ZBED6: variants seen among roughly 807,000 people sequenced by gnomAD.
ZBED6 encodes the protein zinc finger BED-type containing 6, also known as zinc finger BED domain-containing protein 6.
A neutral mutation model predicts 58.4 loss-of-function variants in ZBED6; 40 were observed. The observed-to-expected ratio is 0.68, with a 90% CI of 0.53 to 0.89. The LOEUF is 0.89. Ranked by LOEUF, ZBED6 falls within the 40% of genes least tolerant of loss-of-function variation. ZBED6 has a pLI of 0.00. For synonymous variants in ZBED6, 439 were observed against 350.6 expected (o/e 1.25, Z -2.82); for missense variants, 1,057 against 1,003.9 (o/e 1.05, Z -0.71).
chr1:203,814,745 G>T (rs915490598), intron 1 of ZBED6, among the ~76,000 whole-genome samples: 6 of 151,980 alleles, frequency 3.9e-5, no homozygotes, highest in Admixed American at 3.9e-4. Flanking sequence ...TTTGTTTTTG[G>T]TTTTTTACAG....
chr1:203,803,333 A>C (rs923810699), intron 1 of ZBED6, among the ~76,000 whole-genome samples: 1 of 152,074 alleles, frequency 6.6e-6, no homozygotes, highest in African/African-American at 2.4e-5. Flanking sequence ...CTGGGATTAC[A>C]GATGTGCACC....
exon 1 of ZBED6, chr1:203,798,635 T>A (rs762568030): frequency 6.5e-7 from 1 of 1,536,142 alleles, no homozygotes; most frequent in South Asian, 1.2e-5. Flanking sequence ...CAGATGAACC[T>A]ATGTTAGAGG....
At chr1:203,846,394 C>G (rs913544400) in intron 11 of ZBED6, among the ~76,000 whole-genome samples, 1 of 152,086 alleles carries the variant, frequency 6.6e-6, no homozygotes, top group Middle Eastern at 3.2e-3. Flanking sequence ...AATTTCTGGG[C>G]CTTCTGCATT....
chr1:203,801,173 C>T (rs571441912), exon 1 of ZBED6: 3 of 152,014 alleles, frequency 2.0e-5, no homozygotes, highest in Non-Finnish European at 2.9e-5. Context: ...TAAAAACAGA[C>T]TAAAATGTTT....
intron 9 of ZBED6, among the ~76,000 whole-genome samples, chr1:203,835,417 GA>G (rs1460408630): frequency 6.6e-6 from 1 of 152,062 alleles, no homozygotes; most frequent in Admixed American, 6.5e-5. Flanking sequence ...AGTCATTTAC[GA>G]AAAAAGCTTA....
At chr1:203,801,577 T>G (rs1032640277) in exon 1 of ZBED6, 1 of 152,612 alleles carries the variant, frequency 6.6e-6, no homozygotes, top group Non-Finnish European at 1.5e-5. Flanking sequence ...CATTTTAGAT[T>G]TGGGGATATT....
chr1:203,797,581 A>C, exon 1 of ZBED6: 1 of 1,533,352 alleles, frequency 6.5e-7, no homozygotes. Context: ...AGAAGATGCA[A>C]CACTTTTAGT....
chr1:203,833,706 T>A (rs1031447929), intron 8 of ZBED6, 85 bp from the exon 9 acceptor site: 48 of 1,065,722 alleles, frequency 4.5e-5, no homozygotes, highest in Non-Finnish European at 3.8e-6. Flanking sequence ...TACACTAATA[T>A]CAGAACATAC....
chr1:203,819,206 A>G (rs1677509828), intron 3 of ZBED6, among the ~76,000 whole-genome samples: 1 of 144,186 alleles, frequency 6.9e-6, no homozygotes, highest in South Asian at 2.2e-4. Flanking sequence ...CCTCTATGCA[A>G]TTTTTTTTTC....
intron 10 of ZBED6, among the ~76,000 whole-genome samples, chr1:203,839,551 G>GA (rs1333287928): frequency 6.6e-6 from 1 of 152,154 alleles, no homozygotes; most frequent in Non-Finnish European, 1.5e-5. Flanking sequence ...TTGATGAGTA[G>GA]ACGTTCCTGT....
At chr1:203,849,314 T>C (rs1227875445) in intron 13 of ZBED6, among the ~76,000 whole-genome samples, 1 of 152,258 alleles carries the variant, frequency 6.6e-6, no homozygotes, top group Non-Finnish European at 1.5e-5. Context: ...ATGTTAATAA[T>C]TCTTCAAGAA....
Position 203,847,797 on chromosome 1 carries a change from C to T in ZBED6, c.*4245+110C>T, listed in dbSNP as rs1202447444. 6 of 1,448,530 alleles carry T rather than the reference C, an allele frequency of 4.1e-6. No homozygotes were observed. In the African/African-American group the frequency reaches 4.3e-5, roughly 10 times the overall value. 89.7% of individuals were successfully genotyped at this position (1,448,530 alleles called of 1,614,324 possible). A position where few individuals can be genotyped will look rare whatever the true frequency, so the allele number is the denominator to read the frequency against. On this transcript the variant is annotated intron_variant, in intron 12 of 16. Coordinates refer to ENST00000550078, the Ensembl canonical transcript of ZBED6. ...TGACAACCTTTCTTTACTCAGATAA[C>T]GTTGAAAACACTGAATTAAATGAAG... is the stretch of plus-strand genomic sequence containing the variant.
In ZBED6 at chr1:203,798,667, C is replaced by G. The variant is rs1669492752; in HGVS notation, c.1145C>G (p.Pro382Arg). 2.6e-6 allele frequency: 4 copies of G among 1,536,016 alleles called. No homozygotes were observed. In the African/African-American group the frequency reaches 4.1e-5, roughly 16 times the overall value. Residue 382 changes from proline to arginine, a missense_variant, in exon 1 of 17, where the codon CCT becomes CGT. Pro to Arg is a moderately radical substitution (Grantham distance 103). Coordinates refer to ENST00000550078, the Ensembl canonical transcript of ZBED6. ...GAGGTTGAAAACAGATCTGAAAGTCCTATTCCCGTTGCAGAGCAAGGCACT... is the reference window on the plus strand; with the variant it reads ...GAGGTTGAAAACAGATCTGAAAGTCGTATTCCCGTTGCAGAGCAAGGCACT...
chr1:203,824,200 G>A (rs1420904517), intron 3 of ZBED6, among the ~76,000 whole-genome samples: 1 of 151,144 alleles, frequency 6.6e-6, no homozygotes, highest in African/African-American at 2.4e-5. Flanking sequence ...CCTGGGAGGT[G>A]GAGATTGCAG....
exon 1 of ZBED6, chr1:203,797,592 G>T: frequency 6.5e-7 from 1 of 1,533,192 alleles, no homozygotes; most frequent in South Asian, 1.2e-5. Flanking sequence ...CACTTTTAGT[G>T]ATTCTGGGAT....
intron 1 of ZBED6, among the ~76,000 whole-genome samples, chr1:203,814,477 T>A (rs1272656604): frequency 6.6e-6 from 1 of 152,002 alleles, no homozygotes; most frequent in East Asian, 1.9e-4. Context: ...TGAGCCAAGA[T>A]GGCACCATTG....
At chr1:203,841,883 C>T (rs1259952847) in intron 11 of ZBED6, among the ~76,000 whole-genome samples, 18 of 109,326 alleles carry the variant, frequency 1.6e-4, no homozygotes, top group Admixed American at 1.4e-3. Context: ...ACTTCTCAGA[C>T]GGGGCGGCCG....
chr1:203,795,680 A>G (rs1213678064), upstream of ZBED6: 2 of 152,224 alleles, frequency 1.3e-5, no homozygotes, highest in Non-Finnish European at 2.9e-5. Flanking sequence ...GTTTTCTGCT[A>G]GTGCTGCTGC....
chr1:203,835,784 C>T (rs533423763), intron 9 of ZBED6: 8 of 238,982 alleles, frequency 3.3e-5, no homozygotes, highest in African/African-American at 1.4e-4. Flanking sequence ...ATCTCTTGCC[C>T]AAATAGAATT....
Sources: gnomAD v4.1 joint callset for allele counts (sites outside exome capture counted in the v4.1 genomes callset) on GRCh38, gnomAD v4.1.1 for gene constraint, MANE v1.5 for transcripts, NCBI Gene and HGNC (gene_info 2026-07-23, HGNC 2026-07-21) for gene names.